The following DAB1 variants were observed in gnomAD, a reference collection of about 807,000 sequenced individuals.
DAB1 encodes disabled homolog 1.
A neutral mutation model predicts 64.6 loss-of-function variants in DAB1; 15 were observed. The observed-to-expected ratio is 0.23, with a 90% CI of 0.16 to 0.36. The LOEUF is 0.36. DAB1 is among the 10% of genes least tolerant of loss of function. The probability of loss-of-function intolerance (pLI) is 1.00; values close to 1 mark genes in which losing one functional copy is unlikely to be tolerated. For synonymous variants in DAB1, 235 were observed against 251.9 expected (o/e 0.93, Z 0.64); for missense variants, 596 against 706.7 (o/e 0.84, Z 1.78).
At chr1:58,450,867 TC>T (rs1645128314) in intron 3 of DAB1, among the ~76,000 whole-genome samples, 1 of 152,148 alleles carries the variant, frequency 6.6e-6, no homozygotes, top group Non-Finnish European at 1.5e-5. Context: ...TATCAGGTAT[TC>T]CCTGAGATGA....
At chr1:57,478,565 T>A (rs796168453) in intron 7 of DAB1, among the ~76,000 whole-genome samples, 10 of 151,892 alleles carry the variant, frequency 6.6e-5, no homozygotes, top group African/African-American at 2.4e-4. Flanking sequence ...CTTAACCAAT[T>A]TGTTTAACAA....
At position 58,355,494 on chromosome 1, in the gene DAB1, C is replaced by A. The variant is rs189949203; in HGVS notation, n.258-12091G>T. Among the ~76,000 whole-genome samples the A allele has an allele frequency of 2.2e-3, 341 of 152,204 alleles. 2 individuals carry two copies. Among genetic ancestry groups the A allele is most frequent in the Non-Finnish European group, 3.9e-3 (268 of 68,014 alleles). ...CGCTGATGAATCTATCCCTTAATAA[C>A]AAGCCTGGCAGACCTCTCAGCTTTC... On this transcript the variant is annotated intron_variant and non_coding_transcript_variant, in intron 3 of 20. Transcript: ENST00000485760.
At chr1:58,166,436 T>C (rs1557679006) in intron 4 of DAB1, among the ~76,000 whole-genome samples, 1 of 152,220 alleles carries the variant, frequency 6.6e-6, no homozygotes, top group Non-Finnish European at 1.5e-5. Context: ...CTGGCTTACT[T>C]ATTTAGCATA....
chr1:58,095,783 T>C (rs1479780694), intron 5 of DAB1, among the ~76,000 whole-genome samples: 3 of 152,178 alleles, frequency 2.0e-5, no homozygotes, highest in Non-Finnish European at 4.4e-5. Flanking sequence ...AGGTACCAAT[T>C]ATCATATCTA....
chr1:57,905,922 A>T (rs1163350925), intron 5 of DAB1, among the ~76,000 whole-genome samples: 1 of 152,236 alleles, frequency 6.6e-6, no homozygotes, highest in Non-Finnish European at 1.5e-5. Flanking sequence ...AGAATTCATT[A>T]CATTTAGCCA....
intron 3 of DAB1, among the ~76,000 whole-genome samples, chr1:58,418,259 A>G (rs2100216221): frequency 6.6e-6 from 1 of 152,304 alleles, no homozygotes; most frequent in East Asian, 1.9e-4. Flanking sequence ...GCTAAACTAA[A>G]TATTTTTTCT....
At chr1:57,703,031 A>G (rs527326937) in intron 6 of DAB1, among the ~76,000 whole-genome samples, 1 of 152,148 alleles carries the variant, frequency 6.6e-6, no homozygotes, top group East Asian at 1.9e-4. Flanking sequence ...CATATACAAA[A>G]ATTAACTCAA....
At chr1:57,368,366 G>A (rs944864326) in intron 1 of DAB1, among the ~76,000 whole-genome samples, 1 of 152,166 alleles carries the variant, frequency 6.6e-6, no homozygotes, top group Non-Finnish European at 1.5e-5. Context: ...ATGGGGGCGG[G>A]GCTGCCAGTC....
At chr1:57,771,512 A>G (rs1218984508) in intron 6 of DAB1, among the ~76,000 whole-genome samples, 1 of 152,140 alleles carries the variant, frequency 6.6e-6, no homozygotes, top group African/African-American at 2.4e-5. Context: ...AGTGTGAGTT[A>G]GAGAAGAGTA....
chr1:57,572,561 T>C (rs1286932984), intron 7 of DAB1, among the ~76,000 whole-genome samples: 1 of 152,156 alleles, frequency 6.6e-6, no homozygotes, highest in Non-Finnish European at 1.5e-5. Context: ...TTAGCTCCCT[T>C]ATAAGGGTGT....
intron 6 of DAB1, among the ~76,000 whole-genome samples, chr1:57,749,749 T>C (rs545884380): frequency 6.8e-4 from 103 of 151,944 alleles, no homozygotes; most frequent in African/African-American, 2.3e-3. Context: ...AAAGGGAGAA[T>C]AGAAGGAAAT....
At chr1:57,260,752 C>T (rs1048266554) in intron 2 of DAB1, among the ~76,000 whole-genome samples, 1 of 152,200 alleles carries the variant, frequency 6.6e-6, no homozygotes, top group African/African-American at 2.4e-5. Context: ...TTTTCTCACA[C>T]TCAGAGTGAT....
chr1:58,336,912 C>T (rs940939691), intron 4 of DAB1, among the ~76,000 whole-genome samples: 10 of 152,238 alleles, frequency 6.6e-5, no homozygotes, highest in Admixed American at 3.3e-4. Flanking sequence ...CACTTTAGCA[C>T]TTATTGAATG....
At chr1:58,338,449 T>C (rs1286146864) in intron 4 of DAB1, among the ~76,000 whole-genome samples, 1 of 152,218 alleles carries the variant, frequency 6.6e-6, no homozygotes, top group African/African-American at 2.4e-5. Flanking sequence ...TCAATGTTTG[T>C]GGCATTATTG....
At chr1:57,578,175 AT>A in intron 7 of DAB1, among the ~76,000 whole-genome samples, 1 of 152,308 alleles carries the variant, frequency 6.6e-6, no homozygotes, top group South Asian at 2.1e-4. Context: ...GGGTTCTTCC[AT>A]GGCCATAGCA....
intron 4 of DAB1, among the ~76,000 whole-genome samples, chr1:58,296,191 G>GAA (rs1557724787): frequency 2.7e-5 from 3 of 112,626 alleles, no homozygotes; most frequent in Non-Finnish European, 5.6e-5. Flanking sequence ...GAAAGAGAAA[G>GAA]AAAGAGAAAG....
chr1:57,051,078 T>C (rs1333297042), intron 9 of DAB1, among the ~76,000 whole-genome samples: 1 of 152,204 alleles, frequency 6.6e-6, no homozygotes, highest in East Asian at 1.9e-4. Context: ...TTTTTAATGT[T>C]GCTGTTAACT....
At chr1:58,431,558 G>GAA (rs66832530) in intron 3 of DAB1, among the ~76,000 whole-genome samples, 164 of 76,186 alleles carry the variant, frequency 2.2e-3, no homozygotes, top group East Asian at 0.01. Context: ...ACTCCATCTG[G>GAA]AAAAAAAAAA....
At chr1:58,214,438 A>G (rs1658733129) in intron 4 of DAB1, among the ~76,000 whole-genome samples, 1 of 152,208 alleles carries the variant, frequency 6.6e-6, no homozygotes, top group Admixed American at 6.5e-5. Flanking sequence ...AGATTCAAAA[A>G]GATAAACCAG....
Sources: allele counts gnomAD v4.1 joint callset (sites outside exome capture counted in the v4.1 genomes callset), GRCh38; gene constraint gnomAD v4.1.1; transcripts MANE v1.5; gene names NCBI Gene and HGNC (gene_info 2026-07-23, HGNC 2026-07-21).